The following GALNT13 variants were observed in gnomAD, a reference collection of about 807,000 sequenced individuals.
GALNT13 encodes the protein UDP-GalNAc:polypeptide N-acetylgalactosaminyltransferase 13.
Under a neutral mutation model 64.2 loss-of-function variants are expected in GALNT13, and 28 were observed. The ratio of observed to expected loss-of-function variants is 0.44; its 90% CI spans 0.32 to 0.60. The LOEUF is 0.60. Ranked by LOEUF, GALNT13 falls within the 20% of genes least tolerant of loss-of-function variation. The probability of loss-of-function intolerance (pLI) is 0.05; values close to 1 mark genes in which losing one functional copy is unlikely to be tolerated. For synonymous variants in GALNT13, 214 were observed against 224.6 expected, an observed-to-expected ratio of 0.95 and a Z score of 0.42; for missense variants, 577 against 669.8, an observed-to-expected ratio of 0.86 and a Z score of 1.53.
the GALNT13 span, among the ~76,000 whole-genome samples, chr2:153,621,682 T>C: frequency 6.6e-6 from 1 of 152,016 alleles, no homozygotes; most frequent in African/African-American, 2.4e-5. Flanking sequence ...TTCCCACTCT[T>C]CCCTCACCTT....
the GALNT13 span, among the ~76,000 whole-genome samples, chr2:153,189,477 C>T: frequency 1.3e-5 from 2 of 152,118 alleles, no homozygotes; most frequent in African/African-American, 2.4e-5. Flanking sequence ...AAATAAACCA[C>T]ATTTTCTTTC....
chr2:153,652,262 G>T, the GALNT13 span, among the ~76,000 whole-genome samples: 1 of 151,916 alleles, frequency 6.6e-6, no homozygotes. Flanking sequence ...CTATTCTAAA[G>T]GTTGTAAAAG....
At chr2:154,407,179 T>C (rs139761920) in intron 10 of GALNT13, among the ~76,000 whole-genome samples, 60 of 152,224 alleles carry the variant, frequency 3.9e-4, no homozygotes, top group Admixed American at 8.5e-4. Context: ...CCTATTCAAG[T>C]ACCATGTACC....
the GALNT13 span, among the ~76,000 whole-genome samples, chr2:153,566,352 T>TGTTTTTG: frequency 2.5e-5 from 2 of 79,026 alleles, no homozygotes; most frequent in African/African-American, 1.0e-4. Flanking sequence ...AATCACGTTT[T>TGTTTTTG]TTTTTTTTTT....
the GALNT13 span, among the ~76,000 whole-genome samples, chr2:153,123,511 A>C: frequency 6.6e-6 from 1 of 152,312 alleles, no homozygotes; most frequent in South Asian, 2.1e-4. Flanking sequence ...TAAACATGGA[A>C]AGTTTGAATC....
At chr2:153,181,518 A>G in the GALNT13 span, among the ~76,000 whole-genome samples, 130 of 151,136 alleles carry the variant, frequency 8.6e-4, 1 homozygote, top group African/African-American at 3.1e-3. Context: ...TATCTGTTAG[A>G]TCCCTTTGGT....
chr2:154,016,527 C>T (rs889590092), intron 3 of GALNT13, among the ~76,000 whole-genome samples: 3 of 152,180 alleles, frequency 2.0e-5, no homozygotes, highest in African/African-American at 7.2e-5. Context: ...AAGTGATTCT[C>T]CTGCCTCAGC....
chr2:154,430,587 TAGA>T, intron 11 of GALNT13, among the ~76,000 whole-genome samples: 1 of 152,318 alleles, frequency 6.6e-6, no homozygotes, highest in South Asian at 2.1e-4. Flanking sequence ...ACAAAGTATT[TAGA>T]ATATTACATA....
chr2:154,130,833 A>G (rs1030142), intron 3 of GALNT13, among the ~76,000 whole-genome samples: 12,576 of 152,288 alleles, frequency 0.083, 1,462 homozygotes, highest in East Asian at 0.62. Flanking sequence ...TATCTGCGGA[A>G]TAACTCACAA....
chr2:153,194,999 G>A, the GALNT13 span, among the ~76,000 whole-genome samples: 98,797 of 151,936 alleles, frequency 0.65, 32,349 homozygotes, highest in East Asian at 0.81. Context: ...TTGGAGCCCC[G>A]GGTGGTATAT....
At chr2:153,805,295 T>C in the GALNT13 span, among the ~76,000 whole-genome samples, 3 of 152,102 alleles carry the variant, frequency 2.0e-5, no homozygotes, top group Non-Finnish European at 4.4e-5. Flanking sequence ...AAGAATTATA[T>C]TTTCATCAAA....
the GALNT13 span, among the ~76,000 whole-genome samples, chr2:153,236,799 A>T: frequency 1.3e-5 from 2 of 152,136 alleles, no homozygotes; most frequent in African/African-American, 4.8e-5. Context: ...CCCATAAATC[A>T]AGGAGTAATT....
the GALNT13 span, among the ~76,000 whole-genome samples, chr2:153,680,618 T>C: frequency 6.6e-6 from 1 of 151,892 alleles, no homozygotes; most frequent in East Asian, 1.9e-4. Flanking sequence ...CACATCTGAT[T>C]TAAACATGAA....
chr2:153,549,508 A>G, the GALNT13 span, among the ~76,000 whole-genome samples: 1 of 152,148 alleles, frequency 6.6e-6, no homozygotes, highest in Non-Finnish European at 1.5e-5. Context: ...GGTAGATTGG[A>G]TGTGTGAGAG....
chr2:154,134,415 A>G (rs573144636), intron 3 of GALNT13, among the ~76,000 whole-genome samples: 2 of 152,348 alleles, frequency 1.3e-5, no homozygotes, highest in East Asian at 3.9e-4. Context: ...TAATTCTAAT[A>G]CAGCATGGTT....
chr2:153,762,595 TG>T, the GALNT13 span: 1 of 170,366 alleles, frequency 5.9e-6, no homozygotes, highest in Non-Finnish European at 1.3e-5. Flanking sequence ...TCTTCCTTAG[TG>T]GTACTTTGTT....
chr2:153,729,039 A>G, the GALNT13 span, among the ~76,000 whole-genome samples: 1 of 152,172 alleles, frequency 6.6e-6, no homozygotes, highest in Non-Finnish European at 1.5e-5. Flanking sequence ...ACAGATTCAT[A>G]GCTGAATTCT....
the GALNT13 span, among the ~76,000 whole-genome samples, chr2:153,578,972 G>C: frequency 2.0e-5 from 3 of 152,136 alleles, no homozygotes; most frequent in Non-Finnish European, 4.4e-5. Flanking sequence ...TCTTGGTTGG[G>C]CTAGTTATCT....
chr2:153,541,035 A>G, the GALNT13 span, among the ~76,000 whole-genome samples: 2 of 152,104 alleles, frequency 1.3e-5, no homozygotes, highest in African/African-American at 4.8e-5. Flanking sequence ...GAGAGGGGCC[A>G]GGGGTGGAAT....
Sources: gnomAD v4.1 joint callset for allele counts (sites outside exome capture counted in the v4.1 genomes callset) on GRCh38, gnomAD v4.1.1 for gene constraint, MANE v1.5 for transcripts, NCBI Gene and HGNC (gene_info 2026-07-23, HGNC 2026-07-21) for gene names.